The following ZMIZ1 variants were observed in gnomAD, a reference collection of about 807,000 sequenced individuals.
ZMIZ1 encodes the protein zinc finger MIZ domain-containing protein 1.
In ZMIZ1, 17 loss-of-function variants were observed where a neutral mutation model predicts 113.9. That is an observed-to-expected ratio of 0.15 (90% CI 0.10 to 0.22). The LOEUF (loss-of-function observed/expected upper bound fraction) is 0.22, where lower values mean the gene tolerates loss of function less well. ZMIZ1 is among the 10% of genes least tolerant of loss of function. ZMIZ1 has a pLI of 1.00. For synonymous variants in ZMIZ1, 607 were observed against 603.1 expected (o/e 1.01, Z -0.09); for missense variants, 1,059 against 1,477.8 (o/e 0.72, Z 4.65).
At chr10:79,243,536 C>G in intron 7 of ZMIZ1, 1 of 146,560 alleles carries the variant, frequency 6.8e-6, no homozygotes, top group South Asian at 2.0e-4. Flanking sequence ...GCGGAGCGAG[C>G]GGGCGCCGGA....
At chr10:79,111,216 G>C (rs560188826) in intron 1 of ZMIZ1, among the ~76,000 whole-genome samples, 16 of 152,280 alleles carry the variant, frequency 1.1e-4, no homozygotes, top group Middle Eastern at 3.4e-3. Flanking sequence ...CGAGGCCCTG[G>C]CACCCAGGCC....
chr10:79,312,584 C>G lies in ZMIZ1; in HGVS notation c.3097-58C>G, dbSNP rs1304332141. ...GGCCAGGGCGCCCCTGCATTCCTCA[C>G]CCGGGGCCTGCCTCTCAGGCACACC... On this transcript the variant is annotated intron_variant, in intron 24 of 24. Coordinates refer to ENST00000334512, the MANE Select transcript of ZMIZ1 (RefSeq NM_020338.4). The G allele has an allele frequency of 3.1e-6, 5 of 1,587,342 alleles. No homozygotes were observed. The Admixed American group carries it at 6.7e-5, about 21-fold the overall frequency.
At chr10:79,298,927 C>T in intron 15 of ZMIZ1, 123 bp from the exon 16 acceptor site, 1 of 1,305,364 alleles carries the variant, frequency 7.7e-7, no homozygotes. Flanking sequence ...ATGTCTCTGG[C>T]CCTGTTTACA....
At chr10:79,255,315 G>A (rs1188347325) in intron 7 of ZMIZ1, among the ~76,000 whole-genome samples, 1 of 152,222 alleles carries the variant, frequency 6.6e-6, no homozygotes, top group Non-Finnish European at 1.5e-5. Context: ...CCGGGCTCTA[G>A]CCCTGAGGGG....
chr10:79,223,650 C>T (rs75873204), intron 7 of ZMIZ1, among the ~76,000 whole-genome samples: 1,615 of 152,342 alleles, frequency 0.011, 30 homozygotes, highest in African/African-American at 0.037. Flanking sequence ...TCAGCATGCC[C>T]ATTAATAGAG....
intron 4 of ZMIZ1, among the ~76,000 whole-genome samples, chr10:79,180,384 G>A (rs962473795): frequency 2.6e-5 from 4 of 152,128 alleles, no homozygotes; most frequent in African/African-American, 9.7e-5. Context: ...CCAGTAGCCT[G>A]GGCCATCCCA....
At chr10:79,202,483 A>C (rs568771776) in intron 5 of ZMIZ1, among the ~76,000 whole-genome samples, 3 of 152,112 alleles carry the variant, frequency 2.0e-5, no homozygotes, top group Admixed American at 6.5e-5. Context: ...AAGAGGTCCT[A>C]GGAAATCATA....
At chr10:79,174,872 G>A (rs1324326633) in intron 4 of ZMIZ1, among the ~76,000 whole-genome samples, 6 of 152,226 alleles carry the variant, frequency 3.9e-5, no homozygotes, top group Non-Finnish European at 7.3e-5. Context: ...GGCTTTGCCC[G>A]AAGAAGCCCA....
chr10:79,137,500 C>A, intron 2 of ZMIZ1, among the ~76,000 whole-genome samples: 1 of 152,218 alleles, frequency 6.6e-6, no homozygotes, highest in Admixed American at 6.5e-5. Flanking sequence ...CCCACTCCCC[C>A]TCGGTATGTG....
At position 79,149,191 on chromosome 10, in the gene ZMIZ1, G is replaced by C. The variant is rs148827036; in HGVS notation, c.-131+9414G>C. On this transcript the variant is annotated intron_variant, in intron 3 of 24. Coordinates refer to ENST00000334512, the MANE Select transcript of ZMIZ1 (RefSeq NM_020338.4). ...TGTCCCTGGGGTAATCTCGAGCAAG[G>C]CTGGGCCCCAGGCAGGCCCACACCC... 4.1e-3 allele frequency among the ~76,000 whole-genome samples: 632 copies of C among 152,304 alleles called. 8 individuals are homozygous for C. The highest frequency in any genetic ancestry group is 0.015 in the African/African-American group (605 of 41,568).
chr10:79,196,108 T>C (rs1278891947), intron 4 of ZMIZ1, among the ~76,000 whole-genome samples: 2 of 152,114 alleles, frequency 1.3e-5, no homozygotes, highest in Non-Finnish European at 2.9e-5. Context: ...AGCCTCCATC[T>C]CCTCCATTCC....
At chr10:79,130,471 G>C (rs933223058) in intron 2 of ZMIZ1, among the ~76,000 whole-genome samples, 1 of 152,226 alleles carries the variant, frequency 6.6e-6, no homozygotes. Flanking sequence ...AATGGATGCA[G>C]TGCCCCTGCC....
chr10:79,165,485 G>T (rs530881887), intron 4 of ZMIZ1, among the ~76,000 whole-genome samples: 2 of 152,048 alleles, frequency 1.3e-5, no homozygotes, highest in South Asian at 4.1e-4. Context: ...GCGTAGTAGC[G>T]TGTGCCTGTG....
chr10:79,096,535 A>T (rs61017050), intron 1 of ZMIZ1, among the ~76,000 whole-genome samples: 23,853 of 151,632 alleles, frequency 0.16, 2,020 homozygotes, highest in Admixed American at 0.21. Context: ...AGAAAAGAAA[A>T]GAAATGAGAC....
At chr10:79,217,551 CAATAAAATGG>C (rs1310113610) in intron 7 of ZMIZ1, among the ~76,000 whole-genome samples, 1 of 152,214 alleles carries the variant, frequency 6.6e-6, no homozygotes, top group African/African-American at 2.4e-5. Context: ...CCTTGTATAA[CAATAAAATGG>C]ACGTTTTCAC....
intron 4 of ZMIZ1, among the ~76,000 whole-genome samples, chr10:79,173,956 G>A (rs1464110378): frequency 6.6e-6 from 1 of 152,168 alleles, no homozygotes; most frequent in African/African-American, 2.4e-5. Flanking sequence ...GAAAGATCAG[G>A]GAAGCTTCTT....
chr10:79,266,015 T>C (rs1231709178), intron 7 of ZMIZ1, among the ~76,000 whole-genome samples: 1 of 152,220 alleles, frequency 6.6e-6, no homozygotes, highest in African/African-American at 2.4e-5. Flanking sequence ...CCATATCACC[T>C]GCAAGATTGA....
intron 3 of ZMIZ1, among the ~76,000 whole-genome samples, chr10:79,147,484 G>GT (rs2132438418): frequency 6.6e-6 from 1 of 152,306 alleles, no homozygotes; most frequent in South Asian, 2.1e-4. Flanking sequence ...GGCCTCCCGT[G>GT]TGCATCCATC....
At chr10:79,191,053 G>C (rs1223851495) in intron 4 of ZMIZ1, among the ~76,000 whole-genome samples, 4 of 152,208 alleles carry the variant, frequency 2.6e-5, no homozygotes, top group Non-Finnish European at 5.9e-5. Flanking sequence ...GGAGAGTGCA[G>C]TGATTGATTA....
Sources: gnomAD v4.1 joint callset for allele counts (sites outside exome capture counted in the v4.1 genomes callset) on GRCh38, gnomAD v4.1.1 for gene constraint, MANE v1.5 for transcripts, NCBI Gene and HGNC (gene_info 2026-07-23, HGNC 2026-07-21) for gene names.